CCDC3: variants seen among roughly 807,000 people sequenced by gnomAD.
The protein encoded by CCDC3 is coiled-coil domain containing 3, also known as coiled-coil domain-containing protein 3.
In CCDC3, 24 loss-of-function variants were observed where a neutral mutation model predicts 21.4. The observed-to-expected ratio is 1.12, with a 90% confidence interval of 0.81 to 1.58. CCDC3 has a LOEUF of 1.58. Among genes scored for constraint, CCDC3 ranks in the 40% most tolerant of loss-of-function variants. The pLI, the probability that CCDC3 is intolerant of heterozygous loss-of-function variation, is 0.00. For missense variants in CCDC3, 425 were observed against 360.9 expected, an observed-to-expected ratio of 1.18 and a Z score of -1.44; for synonymous variants, 186 against 166.0, an observed-to-expected ratio of 1.12 and a Z score of -0.93.
chr10:12,977,127 T>C (rs1016504544), intron 2 of CCDC3, among the ~76,000 whole-genome samples: 1 of 152,062 alleles, frequency 6.6e-6, no homozygotes, highest in Admixed American at 6.5e-5. Context: ...ACAGAAAAAT[T>C]AGCTGGGCAT....
intron 2 of CCDC3, among the ~76,000 whole-genome samples, chr10:12,955,474 G>A (rs1564297659): frequency 6.6e-6 from 1 of 152,176 alleles, no homozygotes; most frequent in African/African-American, 2.4e-5. Flanking sequence ...AAGGTGTTGG[G>A]ATAGAGGAAA....
intron 2 of CCDC3, among the ~76,000 whole-genome samples, chr10:12,938,619 C>T (rs1834774953): frequency 6.6e-6 from 1 of 152,124 alleles, no homozygotes; most frequent in Non-Finnish European, 1.5e-5. Context: ...TAGTCCTATC[C>T]CAGAGAGTTG....
intron 2 of CCDC3, among the ~76,000 whole-genome samples, chr10:12,921,172 C>T (rs890798638): frequency 6.6e-6 from 1 of 152,144 alleles, no homozygotes; most frequent in Non-Finnish European, 1.5e-5. Flanking sequence ...CTCTCTTTTG[C>T]GAGCAGTCTG....
At chr10:13,092,027 G>A (rs571714527) in intron 3 of CCDC3, among the ~76,000 whole-genome samples, 80 of 152,210 alleles carry the variant, frequency 5.3e-4, no homozygotes, top group African/African-American at 1.8e-3. Context: ...GAGAGGGGAG[G>A]GTGGCAGATA....
At chr10:13,057,663 A>G (rs1836698959) in intron 4 of CCDC3, among the ~76,000 whole-genome samples, 1 of 152,152 alleles carries the variant, frequency 6.6e-6, no homozygotes, top group Non-Finnish European at 1.5e-5. Context: ...ACAGACCACA[A>G]GGTCAGGAGT....
At chr10:12,981,076 T>C (rs1185922624) in intron 2 of CCDC3, among the ~76,000 whole-genome samples, 2 of 152,060 alleles carry the variant, frequency 1.3e-5, no homozygotes, top group Admixed American at 6.5e-5. Context: ...TCTTGCTATG[T>C]TGCCCAGGCT....
At chr10:13,056,346 T>G (rs1378317217) in intron 4 of CCDC3, among the ~76,000 whole-genome samples, 1 of 152,188 alleles carries the variant, frequency 6.6e-6, no homozygotes, top group Admixed American at 6.5e-5. Flanking sequence ...TGGCCACAAC[T>G]TGGACATACG....
At chr10:12,963,933 C>G (rs1269288193) in intron 2 of CCDC3, among the ~76,000 whole-genome samples, 1 of 152,164 alleles carries the variant, frequency 6.6e-6, no homozygotes, top group Non-Finnish European at 1.5e-5. Flanking sequence ...GCCATTACTT[C>G]AGGGCGGGAT....
At chr10:13,048,164 T>G (rs1032687270) in intron 5 of CCDC3, among the ~76,000 whole-genome samples, 6 of 152,034 alleles carry the variant, frequency 3.9e-5, no homozygotes, top group African/African-American at 7.2e-5. Context: ...TTAAGCTTAA[T>G]TTTTTTTCTT....
chr10:13,026,411 T>A (rs971841143), intron 5 of CCDC3, among the ~76,000 whole-genome samples: 3 of 152,194 alleles, frequency 2.0e-5, no homozygotes, highest in Non-Finnish European at 4.4e-5. Context: ...AGTCTTTACA[T>A]AGAACATTTT....
chr10:12,963,579 GTTTTTT>G (rs10588443), intron 2 of CCDC3, among the ~76,000 whole-genome samples: 2 of 90,122 alleles, frequency 2.2e-5, no homozygotes, highest in African/African-American at 4.1e-5. Flanking sequence ...TGTTTTCCGG[GTTTTTT>G]TTTTTTTTTT....
chr10:13,015,467 C>G (rs1373425425), intron 5 of CCDC3, among the ~76,000 whole-genome samples: 1 of 151,892 alleles, frequency 6.6e-6, no homozygotes, highest in Non-Finnish European at 1.5e-5. Flanking sequence ...CCAGTCATCA[C>G]AGCGGTTACT....
At chr10:12,935,956 T>A (rs1422611550) in intron 2 of CCDC3, among the ~76,000 whole-genome samples, 1 of 152,246 alleles carries the variant, frequency 6.6e-6, no homozygotes, top group African/African-American at 2.4e-5. Context: ...TTTCTAAGCA[T>A]CTACTTTTAC....
chr10:13,024,306 G>A (rs1836187867), intron 5 of CCDC3, among the ~76,000 whole-genome samples: 1 of 151,778 alleles, frequency 6.6e-6, no homozygotes, highest in Non-Finnish European at 1.5e-5. Context: ...ATCTCCATTA[G>A]AGAAAAGTGC....
At chr10:13,080,662 C>T (rs1041028440) in intron 3 of CCDC3, among the ~76,000 whole-genome samples, 1 of 152,222 alleles carries the variant, frequency 6.6e-6, no homozygotes, top group African/African-American at 2.4e-5. Flanking sequence ...CCAACTGCAT[C>T]AAAGAACCCA....
At chr10:13,090,034 G>GATAGATAT (rs1259341208) in intron 3 of CCDC3, among the ~76,000 whole-genome samples, 1 of 129,168 alleles carries the variant, frequency 7.7e-6, no homozygotes, top group African/African-American at 3.0e-5. Context: ...TATTCCGTTA[G>GATAGATAT]ATATATATAT....
At chr10:13,052,321 T>G (rs749612585) in intron 4 of CCDC3, among the ~76,000 whole-genome samples, 2 of 152,048 alleles carry the variant, frequency 1.3e-5, no homozygotes, top group Non-Finnish European at 2.9e-5. Context: ...TACAGTGAGT[T>G]ATGCTTGCAC....
chr10:13,045,306 T>C (rs1836509567), intron 5 of CCDC3, among the ~76,000 whole-genome samples: 1 of 152,164 alleles, frequency 6.6e-6, no homozygotes, highest in Non-Finnish European at 1.5e-5. Flanking sequence ...CCATTATAGG[T>C]AGTGTTAATA....
intron 2 of CCDC3, among the ~76,000 whole-genome samples, chr10:12,927,227 C>G (rs893509000): frequency 1.3e-5 from 2 of 152,224 alleles, no homozygotes; most frequent in African/African-American, 4.8e-5. Flanking sequence ...TTCCGCCTCT[C>G]ATTTCATCTA....
Sources: allele counts gnomAD v4.1 joint callset (sites outside exome capture counted in the v4.1 genomes callset), GRCh38; gene constraint gnomAD v4.1.1; transcripts MANE v1.5; gene names NCBI Gene and HGNC (gene_info 2026-07-23, HGNC 2026-07-21).